Variants in SLC5A4 observed in about 807,000 individuals in gnomAD.
The protein encoded by SLC5A4 is solute carrier family 5 member 4.
Under a neutral mutation model 70.3 loss-of-function variants are expected in SLC5A4, and 55 were observed. The observed-to-expected ratio is 0.78, with a 90% CI of 0.63 to 0.98. The LOEUF is 0.98. Ranked by LOEUF, SLC5A4 falls within the 50% of genes least tolerant of loss-of-function variation. SLC5A4 has a pLI of 0.00. For missense variants in SLC5A4, 735 were observed against 839.2 expected (o/e 0.88, Z 1.53); for synonymous variants, 268 against 305.7 (o/e 0.88, Z 1.29).
the SLC5A4 span, among the ~76,000 whole-genome samples, chr22:32,337,311 T>C: frequency 6.6e-6 from 1 of 152,182 alleles, no homozygotes; most frequent in Admixed American, 6.5e-5. Context: ...GGCAGGCGGA[T>C]TGCCTGGGCT....
rs371799050 is a variant in SLC5A4 at position 32,239,124 on chromosome 22, A to G, written c.478-34T>C. On this transcript the variant is annotated intron_variant, in intron 5 of 14. Coordinates refer to ENST00000266086, the MANE Select transcript of SLC5A4 (RefSeq NM_014227.3). Reference sequence around the variant, plus strand: ...GGAACAGTCAGGATGAGAAAGAAACATGCATTTGAGGCCACTGGCTTCTCT... The same window carrying G: ...GGAACAGTCAGGATGAGAAAGAAACGTGCATTTGAGGCCACTGGCTTCTCT... 39 of 1,536,988 alleles carry G rather than the reference A, an allele frequency of 2.5e-5. No homozygotes were observed. In the African/African-American group the frequency reaches 5.2e-4, roughly 20 times the overall value.
chr22:32,349,901 C>T, the SLC5A4 span, among the ~76,000 whole-genome samples: 4 of 152,266 alleles, frequency 2.6e-5, no homozygotes, highest in East Asian at 7.7e-4. Flanking sequence ...AATCTCTTTC[C>T]TTCATAACCT....
chr22:32,236,624 T>C (rs1166688490), intron 7 of SLC5A4, among the ~76,000 whole-genome samples: 4 of 152,202 alleles, frequency 2.6e-5, no homozygotes, highest in African/African-American at 7.2e-5. Context: ...TTCTGTAAAA[T>C]TATCAGCCCA....
chr22:32,274,000 C>G, the SLC5A4 span, among the ~76,000 whole-genome samples: 2 of 149,690 alleles, frequency 1.3e-5, no homozygotes, highest in South Asian at 4.2e-4. Context: ...GAAAACTGTA[C>G]AAAACAGTGC....
chr22:32,240,061 T>G (rs60744612), intron 5 of SLC5A4, among the ~76,000 whole-genome samples: 1,495 of 141,934 alleles, frequency 0.011, 42 homozygotes, highest in African/African-American at 0.038. Context: ...TGTACCAAAA[T>G]AGAATGCAAC....
chr22:32,306,816 G>C, the SLC5A4 span, among the ~76,000 whole-genome samples: 2 of 152,164 alleles, frequency 1.3e-5, no homozygotes. Context: ...TTGGTTATTT[G>C]ACTATGATGT....
At chr22:32,310,089 G>T in the SLC5A4 span, among the ~76,000 whole-genome samples, 94 of 147,578 alleles carry the variant, frequency 6.4e-4, no homozygotes, top group African/African-American at 2.2e-3. Flanking sequence ...GATGGGGGGG[G>T]TGGCAGAAGG....
the SLC5A4 span, among the ~76,000 whole-genome samples, chr22:32,300,997 C>G: frequency 1.3e-5 from 2 of 152,124 alleles, no homozygotes; most frequent in African/African-American, 2.4e-5. Context: ...GAATCTTGCT[C>G]TGTCGCCCAG....
At chr22:32,226,435 C>T (rs1469906589) in intron 11 of SLC5A4, among the ~76,000 whole-genome samples, 2 of 152,186 alleles carry the variant, frequency 1.3e-5, no homozygotes, top group Admixed American at 1.3e-4. Flanking sequence ...AATGAACCGA[C>T]GCAATTTACT....
At position 32,223,257 on chromosome 22, in the gene SLC5A4, T is replaced by C. The variant is rs546448854; in HGVS notation, c.1665+1010A>G. On this transcript the variant is annotated intron_variant, in intron 13 of 14. Transcript: ENST00000266086. ...AAAACTTTTGCAGAGAAAATCCTTA[T>C]ACACATATTTTTCCTACTTGAACAA... Among the ~76,000 whole-genome samples, 32 of 152,332 alleles carry C rather than the reference T, an allele frequency of 2.1e-4. No individual in the cohort carries two copies. In the Middle Eastern group the frequency reaches 0.01, roughly 49 times the overall value.
At chr22:32,253,615 G>T (rs996737784) in intron 2 of SLC5A4, among the ~76,000 whole-genome samples, 1 of 152,178 alleles carries the variant, frequency 6.6e-6, no homozygotes, top group African/African-American at 2.4e-5. Context: ...GGGCTGAGCT[G>T]GGGTCCTTCA....
intron 5 of SLC5A4, among the ~76,000 whole-genome samples, chr22:32,240,022 C>CAAAAA (rs35616277): frequency 6.8e-4 from 50 of 74,002 alleles, no homozygotes; most frequent in African/African-American, 9.7e-4. Context: ...GACTCCATCT[C>CAAAAA]AAAAAAAAAA....
chr22:32,247,392 C>T lies in SLC5A4; in HGVS notation c.477+19G>A, dbSNP rs1271724757. 2.6e-6 allele frequency: 4 copies of T among 1,514,058 alleles called. No individual in the cohort carries two copies. Among genetic ancestry groups the T allele is most frequent in the Non-Finnish European group, 3.7e-6 (4 of 1,088,992 alleles). The allele number at this position is 1,514,058 out of a possible 1,614,324, so 93.8% of individuals were successfully genotyped here. On this transcript the variant is annotated intron_variant, in intron 5 of 14. Coordinates refer to ENST00000266086, the MANE Select transcript of SLC5A4 (RefSeq NM_014227.3). ...GACCAACCTCTTGAAGCTAAAATGC[C>T]AGGAGGCTCTGAACTCACAGAAATT...
chr22:32,353,776 GCCC>G, the SLC5A4 span, among the ~76,000 whole-genome samples: 1 of 149,840 alleles, frequency 6.7e-6, no homozygotes, highest in Non-Finnish European at 1.5e-5. Context: ...CCGGGATAGC[GCCC>G]CCAATCCGCT....
At chr22:32,251,648 G>A (rs28723688) in intron 3 of SLC5A4, 122 bp downstream of exon 3, 1 of 704,174 alleles carries the variant, frequency 1.4e-6, no homozygotes, top group Non-Finnish European at 2.5e-6. Context: ...AGAGCTGTCA[G>A]AGATACATTT....
chr22:32,333,776 T>A, the SLC5A4 span, among the ~76,000 whole-genome samples: 1 of 147,448 alleles, frequency 6.8e-6, no homozygotes, highest in African/African-American at 2.5e-5. Flanking sequence ...ACAATACACA[T>A]AAACACACAC....
At chr22:32,319,845 G>C in the SLC5A4 span, among the ~76,000 whole-genome samples, 1 of 152,126 alleles carries the variant, frequency 6.6e-6, no homozygotes, top group Non-Finnish European at 1.5e-5. Flanking sequence ...CATAAAAGCA[G>C]GCTTTTTGCT....
chr22:32,247,861 C>T (rs79162581), intron 4 of SLC5A4, among the ~76,000 whole-genome samples: 3,134 of 152,332 alleles, frequency 0.021, 105 homozygotes, highest in African/African-American at 0.067. Flanking sequence ...CATCATTCTC[C>T]TTGTCATCCA....
At chr22:32,237,531 G>T (rs1258459857) in intron 6 of SLC5A4, among the ~76,000 whole-genome samples, 2 of 152,124 alleles carry the variant, frequency 1.3e-5, no homozygotes, top group Non-Finnish European at 2.9e-5. Context: ...CTGATTCAAA[G>T]TTTCTGTGAA....
Sources: gnomAD v4.1 joint callset for allele counts (sites outside exome capture counted in the v4.1 genomes callset) on GRCh38, gnomAD v4.1.1 for gene constraint, MANE v1.5 for transcripts, NCBI Gene and HGNC (gene_info 2026-07-23, HGNC 2026-07-21) for gene names.